The following TPST2 variants were observed in gnomAD, a reference collection of about 807,000 sequenced individuals.
The protein encoded by TPST2 is tyrosylprotein sulfotransferase 2, also known as protein-tyrosine sulfotransferase 2.
TPST2 carries 16 observed loss-of-function variants against 27.8 expected under a neutral mutation model. The observed-to-expected ratio is 0.58, with a 90% CI of 0.39 to 0.88. The LOEUF (loss-of-function observed/expected upper bound fraction) is 0.88. Ranked by LOEUF, TPST2 falls within the 40% of genes least tolerant of loss-of-function variation. TPST2 has a pLI of 0.00. For synonymous variants in TPST2, 229 were observed against 231.7 expected (o/e 0.99, Z 0.10); for missense variants, 464 against 543.1 (o/e 0.85, Z 1.45).
At chr22:26,585,254 C>A (rs1397289366) in intron 1 of TPST2, among the ~76,000 whole-genome samples, 3 of 152,206 alleles carry the variant, frequency 2.0e-5, no homozygotes, top group African/African-American at 7.2e-5. Context: ...TACAAAGTCA[C>A]TCGGCAGACG....
At chr22:26,585,983 G>A (rs6005088) in intron 1 of TPST2, among the ~76,000 whole-genome samples, 1 of 151,998 alleles carries the variant, frequency 6.6e-6, no homozygotes, top group Non-Finnish European at 1.5e-5. Context: ...GTAGAGCTTG[G>A]AGTGAGCCGA....
chr22:26,552,516 A>G (rs1569186172), intron 1 of TPST2, among the ~76,000 whole-genome samples: 2 of 152,062 alleles, frequency 1.3e-5, no homozygotes, highest in African/African-American at 2.4e-5. Flanking sequence ...TGTTTCCCCA[A>G]CTTTCGACGA....
chr22:26,587,047 G>T (rs545283251), intron 1 of TPST2, among the ~76,000 whole-genome samples: 1 of 152,184 alleles, frequency 6.6e-6, no homozygotes. Context: ...AGGACACTCC[G>T]GTGGCCACCC....
chr22:26,559,308 G>A (rs1926963529), intron 1 of TPST2, among the ~76,000 whole-genome samples: 1 of 152,386 alleles, frequency 6.6e-6, no homozygotes, highest in East Asian at 1.9e-4. Context: ...AGAGGCTGCA[G>A]TGAGCCAAAA....
chr22:26,538,953 C>T (rs1925641583), intron 3 of TPST2, among the ~76,000 whole-genome samples: 1 of 152,214 alleles, frequency 6.6e-6, no homozygotes, highest in Non-Finnish European at 1.5e-5. Flanking sequence ...TCAACAGGCC[C>T]TGAAAATGGT....
At chr22:26,551,538 T>C (rs1391335867) in intron 1 of TPST2, among the ~76,000 whole-genome samples, 1 of 152,204 alleles carries the variant, frequency 6.6e-6, no homozygotes, top group African/African-American at 2.4e-5. Context: ...AGAGCCTGTG[T>C]TCTCCTCCCT....
At chr22:26,566,479 G>A (rs1247817563) in intron 1 of TPST2, among the ~76,000 whole-genome samples, 4 of 152,070 alleles carry the variant, frequency 2.6e-5, no homozygotes, top group Non-Finnish European at 5.9e-5. Flanking sequence ...CTTGAACCTG[G>A]GAGGCAGAGG....
chr22:26,566,512 C>G (rs2331286), intron 1 of TPST2, among the ~76,000 whole-genome samples: 41,487 of 151,202 alleles, frequency 0.27, 5,809 homozygotes, highest in African/African-American at 0.32. Context: ...GAGATCGCGC[C>G]ACTGAACTCC....
intron 3 of TPST2, among the ~76,000 whole-genome samples, chr22:26,537,059 A>G (rs1022258485): frequency 6.6e-6 from 1 of 152,158 alleles, no homozygotes; most frequent in African/African-American, 2.4e-5. Flanking sequence ...CTGTCTCAAA[A>G]AAAAAAGAAA....
chr22:26,581,615 C>T (rs549985165), intron 1 of TPST2, among the ~76,000 whole-genome samples: 1 of 152,342 alleles, frequency 6.6e-6, no homozygotes, highest in East Asian at 1.9e-4. Context: ...GCCAATGGCC[C>T]AGCCTCTATT....
At chr22:26,546,141 G>A (rs1021194381) in intron 1 of TPST2, among the ~76,000 whole-genome samples, 2 of 150,504 alleles carry the variant, frequency 1.3e-5, no homozygotes, top group Non-Finnish European at 2.9e-5. Context: ...GCAATAAACC[G>A]GCTGCAGGGT....
At chr22:26,553,369 G>GT (rs34711379) in intron 1 of TPST2, among the ~76,000 whole-genome samples, 1,710 of 143,580 alleles carry the variant, frequency 0.012, 24 homozygotes, top group African/African-American at 0.03. Flanking sequence ...ATGCCTGGCA[G>GT]TTTTTTTTTT....
chr22:26,580,584 T>C (rs1467714358), intron 1 of TPST2, among the ~76,000 whole-genome samples: 2 of 152,222 alleles, frequency 1.3e-5, no homozygotes. Context: ...ATGGATCCAA[T>C]ATTTTTAAAA....
At chr22:26,571,736 G>T (rs1223753323) in intron 1 of TPST2, among the ~76,000 whole-genome samples, 1 of 152,160 alleles carries the variant, frequency 6.6e-6, no homozygotes, top group African/African-American at 2.4e-5. Flanking sequence ...AGGATCTCCT[G>T]AGCTTGGTTT....
intron 1 of TPST2, among the ~76,000 whole-genome samples, chr22:26,586,376 G>A (rs1014554022): frequency 1.3e-5 from 2 of 151,920 alleles, no homozygotes; most frequent in Non-Finnish European, 2.9e-5. Context: ...CAGCCTCCCG[G>A]CTATCTGGGA....
intron 4 of TPST2, among the ~76,000 whole-genome samples, chr22:26,534,684 G>A (rs937525671): frequency 1.4e-4 from 21 of 152,176 alleles, no homozygotes; most frequent in Admixed American, 5.9e-4. Flanking sequence ...TCCCCAGCCG[G>A]CCCTCGCCTC....
intron 1 of TPST2, among the ~76,000 whole-genome samples, chr22:26,585,352 T>C (rs1188530781): frequency 0.053 from 4 of 76 alleles, no homozygotes; most frequent in Non-Finnish European, 0.087. Context: ...CTGTGGGCAC[T>C]GCCTCTGAGG....
chr22:26,535,422 A>G (rs752064015), intron 4 of TPST2, among the ~76,000 whole-genome samples: 11 of 152,226 alleles, frequency 7.2e-5, no homozygotes, highest in Non-Finnish European at 1.5e-4. Flanking sequence ...AAACGTATAA[A>G]TAAGGCCATC....
chr22:26,570,101 AAATT>A (rs970732756), intron 1 of TPST2, among the ~76,000 whole-genome samples: 5 of 152,096 alleles, frequency 3.3e-5, no homozygotes, highest in African/African-American at 9.7e-5. Flanking sequence ...AGAGAGAAAA[AAATT>A]AATTAATCAC....
Sources: gnomAD v4.1 joint callset for allele counts (sites outside exome capture counted in the v4.1 genomes callset) on GRCh38, gnomAD v4.1.1 for gene constraint, MANE v1.5 for transcripts, NCBI Gene and HGNC (gene_info 2026-07-23, HGNC 2026-07-21) for gene names.